The following PRIM2 variants were observed in gnomAD, a reference collection of about 807,000 sequenced individuals.
PRIM2 encodes DNA primase subunit 2.
PRIM2 carries 39 observed loss-of-function variants against 67.3 expected under a neutral mutation model. That is an observed-to-expected ratio of 0.58 (90% confidence interval 0.45 to 0.76). PRIM2 has a LOEUF of 0.76. Ranked by LOEUF, PRIM2 falls within the 30% of genes least tolerant of loss-of-function variation. PRIM2 has a pLI of 0.00. For synonymous variants in PRIM2, 143 were observed against 198.7 expected (o/e 0.72, Z 2.36); for missense variants, 398 against 598.7 (o/e 0.66, Z 3.50).
intron 5 of PRIM2, among the ~76,000 whole-genome samples, chr6:57,367,352 T>G (rs1769393696): frequency 6.6e-6 from 1 of 152,218 alleles, no homozygotes; most frequent in African/African-American, 2.4e-5. Context: ...CTCTCCTTTA[T>G]ACATTTAAAT....
chr6:57,570,450 A>G (rs1229150985), intron 10 of PRIM2, among the ~76,000 whole-genome samples: 7 of 152,322 alleles, frequency 4.6e-5, no homozygotes, highest in African/African-American at 1.7e-4. Context: ...ACTGTCAGTA[A>G]TAATCTTGAC....
the PRIM2 span, among the ~76,000 whole-genome samples, chr6:57,236,564 T>C: frequency 6.6e-6 from 1 of 151,582 alleles, no homozygotes; most frequent in African/African-American, 2.4e-5. Context: ...ATCCCTCCCC[T>C]CTCCCCCCAC....
chr6:57,365,469 CTG>C (rs1769326359), intron 5 of PRIM2, among the ~76,000 whole-genome samples: 1 of 152,000 alleles, frequency 6.6e-6, no homozygotes, highest in African/African-American at 2.4e-5. Flanking sequence ...GTGAATTAAT[CTG>C]TTTTTTATCT....
At chr6:57,350,303 A>T (rs550185782) in intron 5 of PRIM2, among the ~76,000 whole-genome samples, 2 of 152,298 alleles carry the variant, frequency 1.3e-5, no homozygotes, top group South Asian at 4.1e-4. Context: ...TCATCCATTT[A>T]TGACTATGAT....
intron 5 of PRIM2, among the ~76,000 whole-genome samples, chr6:57,340,356 G>A (rs1328654040): frequency 6.6e-6 from 1 of 152,212 alleles, no homozygotes; most frequent in African/African-American, 2.4e-5. Flanking sequence ...CCATTACTGG[G>A]TATATACCCA....
chr6:57,330,632 T>C (rs1768028099), intron 5 of PRIM2, among the ~76,000 whole-genome samples: 1 of 152,164 alleles, frequency 6.6e-6, no homozygotes, highest in Non-Finnish European at 1.5e-5. Context: ...TTTTGCCCAA[T>C]TGTCCAGCTA....
intron 5 of PRIM2, among the ~76,000 whole-genome samples, chr6:57,356,931 CTTTTTTTTTTTT>C (rs761605036): frequency 8.3e-6 from 1 of 120,794 alleles, no homozygotes; most frequent in Non-Finnish European, 1.7e-5. Context: ...CCAATCCATT[CTTTTTTTTTTTT>C]TTTTTTTTGA....
At chr6:57,295,227 C>T in the PRIM2 span, among the ~76,000 whole-genome samples, 1 of 152,128 alleles carries the variant, frequency 6.6e-6, no homozygotes, top group Non-Finnish European at 1.5e-5. Flanking sequence ...TTTTTCTCCA[C>T]CCCAGCTGAC....
intron 7 of PRIM2, among the ~76,000 whole-genome samples, chr6:57,405,255 TGTTA>T (rs1382380418): frequency 5.3e-5 from 8 of 152,304 alleles, no homozygotes; most frequent in South Asian, 2.1e-4. Flanking sequence ...ATGCATCACC[TGTTA>T]GTTTTCCAAT....
chr6:57,331,871 CTG>C (rs1451239159), intron 5 of PRIM2, among the ~76,000 whole-genome samples: 1 of 151,478 alleles, frequency 6.6e-6, no homozygotes. Flanking sequence ...ATTGATTTTT[CTG>C]TGTTATTCTC....
chr6:57,434,777 A>C (rs1771958613), intron 7 of PRIM2, among the ~76,000 whole-genome samples: 1 of 149,880 alleles, frequency 6.7e-6, no homozygotes, highest in African/African-American at 2.5e-5. Flanking sequence ...TCTCTTTTTT[A>C]CTTTTCTTTT....
At chr6:57,273,273 G>A in the PRIM2 span, among the ~76,000 whole-genome samples, 4 of 152,180 alleles carry the variant, frequency 2.6e-5, no homozygotes, top group Non-Finnish European at 2.9e-5. Flanking sequence ...CTGATCAGAC[G>A]CAGATTTGGT....
At chr6:57,634,503 C>T (rs1777088107) in intron 13 of PRIM2, among the ~76,000 whole-genome samples, 1 of 152,280 alleles carries the variant, frequency 6.6e-6, no homozygotes, top group South Asian at 2.1e-4. Flanking sequence ...ATATGACTCG[C>T]TCTCTCGGAG....
intron 8 of PRIM2, among the ~76,000 whole-genome samples, chr6:57,507,719 T>C (rs2127459766): frequency 6.6e-6 from 1 of 152,282 alleles, no homozygotes; most frequent in East Asian, 1.9e-4. Flanking sequence ...GATAATTAAC[T>C]TTACAGAAAG....
chr6:57,599,673 A>G (rs1242419959), intron 10 of PRIM2, among the ~76,000 whole-genome samples: 2 of 152,194 alleles, frequency 1.3e-5, no homozygotes, highest in African/African-American at 4.8e-5. Flanking sequence ...AGATCTGTCT[A>G]TTGGATCTTT....
chr6:57,419,546 C>T (rs1442604998), intron 7 of PRIM2, among the ~76,000 whole-genome samples: 2 of 152,092 alleles, frequency 1.3e-5, no homozygotes, highest in African/African-American at 2.4e-5. Flanking sequence ...GGCATAGTGG[C>T]TGGCATCATG....
chr6:57,321,840 G>C (rs189439341), intron 3 of PRIM2, among the ~76,000 whole-genome samples: 131 of 152,258 alleles, frequency 8.6e-4, no homozygotes, highest in African/African-American at 3.1e-3. Flanking sequence ...TTTATTCACA[G>C]ACTGAATAAC....
upstream of PRIM2, among the ~76,000 whole-genome samples, chr6:57,315,908 C>A (rs1024937138): frequency 2.0e-5 from 3 of 151,978 alleles, no homozygotes. Context: ...CAGGTTTTTT[C>A]AGGCAGTTTA....
At chr6:57,400,782 G>C (rs1338214805) in intron 7 of PRIM2, among the ~76,000 whole-genome samples, 1 of 152,026 alleles carries the variant, frequency 6.6e-6, no homozygotes, top group Non-Finnish European at 1.5e-5. Context: ...TTGCATTGTA[G>C]GAATGGACAA....
Sources: gnomAD v4.1 joint callset for allele counts (sites outside exome capture counted in the v4.1 genomes callset) on GRCh38, gnomAD v4.1.1 for gene constraint, MANE v1.5 for transcripts, NCBI Gene and HGNC (gene_info 2026-07-23, HGNC 2026-07-21) for gene names.